Variants in LRRC9 observed in about 807,000 individuals in gnomAD.
LRRC9 encodes the protein leucine-rich repeat-containing protein 9.
LRRC9 carries 122 observed loss-of-function variants against 63.2 expected under a neutral mutation model. That is an observed-to-expected ratio of 1.93 (90% CI 1.67 to 2.24). The LOEUF is 2.24. Among genes scored for constraint, LRRC9 ranks in the 30% most tolerant of loss-of-function variants. The pLI is 0.00. For missense variants in LRRC9, 1,071 were observed against 627.7 expected, an observed-to-expected ratio of 1.71 and a Z score of -7.55; for synonymous variants, 366 against 213.1, an observed-to-expected ratio of 1.72 and a Z score of -6.25.
intron 30 of LRRC9, among the ~76,000 whole-genome samples, chr14:60,055,846 C>T (rs1018948346): frequency 1.3e-5 from 2 of 150,954 alleles, no homozygotes; most frequent in Non-Finnish European, 2.9e-5. Flanking sequence ...TGGTGGCTGC[C>T]GTGAGCCAAG....
chr14:59,948,281 G>C (rs1395131233), intron 8 of LRRC9, among the ~76,000 whole-genome samples: 1 of 132,032 alleles, frequency 7.6e-6, no homozygotes, highest in African/African-American at 3.0e-5. Context: ...TTGTGAATGG[G>C]AGTTCACTCA....
intron 17 of LRRC9, among the ~76,000 whole-genome samples, chr14:59,989,633 T>C (rs1396768301): frequency 6.6e-6 from 1 of 152,200 alleles, no homozygotes. Context: ...ATATGTTTCT[T>C]GAGCATATTT....
At chr14:60,066,506 G>T (rs1457894210), downstream of LRRC9, among the ~76,000 whole-genome samples, 1 of 152,080 alleles carries the variant, frequency 6.6e-6, no homozygotes, top group Non-Finnish European at 1.5e-5. Flanking sequence ...TTATGGGCTA[G>T]AAACCGGCTG....
chr14:59,973,890 T>C (rs372694705), intron 12 of LRRC9, among the ~76,000 whole-genome samples: 22 of 152,096 alleles, frequency 1.4e-4, no homozygotes, highest in African/African-American at 4.8e-4. Flanking sequence ...TTTCAAACCT[T>C]TGAGATTGTG....
At chr14:59,971,193 C>A (rs116454250) in intron 12 of LRRC9, among the ~76,000 whole-genome samples, 3,450 of 152,200 alleles carry the variant, frequency 0.023, 91 homozygotes, top group African/African-American at 0.071. Context: ...GGGTTCCTGT[C>A]CCCATTGCTT....
chr14:60,005,179 C>T (rs936514075), intron 21 of LRRC9, among the ~76,000 whole-genome samples: 5 of 151,902 alleles, frequency 3.3e-5, no homozygotes, highest in Non-Finnish European at 1.5e-5. Flanking sequence ...TGGCTGTTAA[C>T]AATATGTTTC....
chr14:59,934,611 G>C (rs1889979006), intron 6 of LRRC9, among the ~76,000 whole-genome samples: 1 of 152,192 alleles, frequency 6.6e-6, no homozygotes, highest in African/African-American at 2.4e-5. Context: ...GATGGTAACA[G>C]TTGTGACAGG....
At chr14:59,979,135 G>A (rs1886635817) in intron 15 of LRRC9, among the ~76,000 whole-genome samples, 1 of 152,052 alleles carries the variant, frequency 6.6e-6, no homozygotes, top group Admixed American at 6.6e-5. Context: ...GCCCAGGCAT[G>A]GTGGCTCATG....
At position 60,016,010 on chromosome 14, in the gene LRRC9, A is replaced by G. The variant is rs534262502; in HGVS notation, c.3187-650A>G. ...CCCTTTCCCGATCCTTTGATTAGAG[A>G]GAGCAGGCTTTTTGTGGACTTTGTC... On this transcript the variant is annotated intron_variant, in intron 23 of 31. Coordinates refer to ENST00000445360, the Ensembl canonical transcript of LRRC9. 2.0e-5 allele frequency among the ~76,000 whole-genome samples: 3 copies of G among 152,176 alleles called. No homozygotes were observed. In the East Asian group the frequency reaches 5.8e-4, roughly 29 times the overall value.
chr14:60,039,082 G>A (rs1446326101), intron 29 of LRRC9, among the ~76,000 whole-genome samples: 1 of 152,208 alleles, frequency 6.6e-6, no homozygotes, highest in Non-Finnish European at 1.5e-5. Flanking sequence ...ATTTACGAAT[G>A]TTGAACCAGA....
intron 12 of LRRC9, among the ~76,000 whole-genome samples, chr14:59,972,401 G>A (rs77374515): frequency 0.02 from 3,088 of 152,100 alleles, 114 homozygotes; most frequent in East Asian, 0.16. Flanking sequence ...TTCTGTGCAG[G>A]TCCAAAGCCT....
intron 17 of LRRC9, among the ~76,000 whole-genome samples, chr14:59,992,035 C>T (rs921732168): frequency 3.9e-5 from 6 of 152,136 alleles, no homozygotes; most frequent in South Asian, 2.1e-4. Flanking sequence ...CCCTGACCCC[C>T]GAGGAGCCTA....
At chr14:60,044,124 G>C (rs1340449310) in intron 29 of LRRC9, among the ~76,000 whole-genome samples, 1 of 151,654 alleles carries the variant, frequency 6.6e-6, no homozygotes, top group Non-Finnish European at 1.5e-5. Flanking sequence ...ATAATTCTTT[G>C]TATTTCTGAG....
chr14:60,056,952 A>C (rs462258), intron 30 of LRRC9, among the ~76,000 whole-genome samples: 111,752 of 151,996 alleles, frequency 0.74, 43,548 homozygotes, highest in Non-Finnish European at 0.87. Context: ...TAGTTTCAGA[A>C]GGAAATTTGA....
At chr14:59,987,068 G>A (rs1250511520) in intron 17 of LRRC9, among the ~76,000 whole-genome samples, 1 of 152,056 alleles carries the variant, frequency 6.6e-6, no homozygotes, top group African/African-American at 2.4e-5. Context: ...ATATGGCTTA[G>A]TACATTGTTG....
rs1244549926 is a variant in LRRC9, at chr14:60,003,655, T to C, written c.2699T>C (p.Phe900Ser). 1.6e-5 allele frequency: 11 copies of C among 689,878 alleles called. No homozygotes were observed. The highest frequency in any genetic ancestry group is 2.6e-5 in the Non-Finnish European group (10 of 381,236). 42.7% of individuals were successfully genotyped at this position (689,878 alleles called of 1,614,324 possible). The stretch of plus-strand genomic sequence containing the variant: ...TTAAATTTAGATGGACAACATCTTT[T>C]TGAAATCACAAATTTAGAAAAATTG... The change falls in exon 21 of 32, where the codon TTT (phenylalanine) becomes TCT (serine). Residue 900 changes from phenylalanine (F) to serine (S), a missense_variant. Physicochemically the swap from Phe to Ser is radical, Grantham distance 155. Transcript: ENST00000445360. The surrounding 1 kb of genome is among the most constrained non-coding windows in gnomAD (Gnocchi z 4.2).
chr14:59,953,419 G>A (rs764437875), intron 8 of LRRC9, among the ~76,000 whole-genome samples: 5 of 152,076 alleles, frequency 3.3e-5, no homozygotes, highest in Admixed American at 6.5e-5. Context: ...GTGATGATGA[G>A]CTTTTTTTCA....
chr14:59,957,791 T>C (rs1299433994), intron 8 of LRRC9, among the ~76,000 whole-genome samples: 2 of 152,246 alleles, frequency 1.3e-5, no homozygotes, highest in Non-Finnish European at 2.9e-5. Context: ...TCTTTGAGGC[T>C]GATGACCTTT....
downstream of LRRC9, among the ~76,000 whole-genome samples, chr14:60,064,215 C>T (rs548081446): frequency 4.6e-5 from 7 of 152,104 alleles, no homozygotes; most frequent in African/African-American, 1.2e-4. Context: ...AGTACTAGGA[C>T]GTATCACAGA....
Sources: allele counts gnomAD v4.1 joint callset (sites outside exome capture counted in the v4.1 genomes callset), GRCh38; gene constraint gnomAD v4.1.1; non-coding constraint Gnocchi (gnomAD v3.1); transcripts MANE v1.5; gene names NCBI Gene and HGNC (gene_info 2026-07-23, HGNC 2026-07-21).